The following STAT4 variants were observed in gnomAD, a reference collection of about 807,000 sequenced individuals.
STAT4 encodes the protein signal transducer and activator of transcription 4.
STAT4 carries 42 observed loss-of-function variants against 110.5 expected under a neutral mutation model. The ratio of observed to expected loss-of-function variants is 0.38; its 90% CI spans 0.30 to 0.49. The LOEUF is 0.49. Among genes scored for constraint, STAT4 ranks in the 20% least tolerant of loss-of-function variants. STAT4 has a pLI of 0.95. For missense variants in STAT4, 632 were observed against 887.9 expected (o/e 0.71, Z 3.66); for synonymous variants, 284 against 302.2 (o/e 0.94, Z 0.63).
chr2:191,044,461 T>G (rs1574703419), intron 14 of STAT4, among the ~76,000 whole-genome samples: 2 of 152,198 alleles, frequency 1.3e-5, no homozygotes, highest in Non-Finnish European at 2.9e-5. Context: ...TGGGAAACAC[T>G]TTTTCAGATA....
intron 3 of STAT4, among the ~76,000 whole-genome samples, chr2:191,102,846 A>AT (rs1224323072): frequency 2.0e-5 from 3 of 152,016 alleles, no homozygotes; most frequent in African/African-American, 7.2e-5. Flanking sequence ...GTGTCCATCA[A>AT]TTATCTGTGT....
intron 14 of STAT4, among the ~76,000 whole-genome samples, chr2:191,044,238 A>G (rs1277476652): frequency 2.0e-5 from 3 of 152,232 alleles, no homozygotes; most frequent in Admixed American, 6.5e-5. Flanking sequence ...ACAATAAATA[A>G]ATGAAGGACC....
chr2:191,118,030 G>C (rs373874828), intron 3 of STAT4, among the ~76,000 whole-genome samples: 1 of 152,230 alleles, frequency 6.6e-6, no homozygotes, highest in East Asian at 1.9e-4. Flanking sequence ...AATCAGACCT[G>C]GCGTTTTTCA....
In STAT4 at chr2:191,032,612, C is replaced by G. The variant is rs1695930215; in HGVS notation, c.2044+346G>C. Among the ~76,000 whole-genome samples, 1 of 152,174 alleles carries G rather than the reference C, an allele frequency of 6.6e-6. No homozygotes were observed. Among genetic ancestry groups the G allele is most frequent in the Admixed American group, 6.5e-5 (1 of 15,270 alleles). On this transcript the variant is annotated intron_variant, in intron 21 of 23. Coordinates refer to ENST00000392320, the MANE Select transcript of STAT4 (RefSeq NM_003151.4). The surrounding 1 kb of genome is among the most constrained non-coding windows in gnomAD (Gnocchi z 4.9). ...CTATTAAAAGCTTCTCATCATTACC[C>G]CCTCTTTCTTTTCCTTTCCCTCAGT...
chr2:191,052,034 A>G (rs1696539825), intron 14 of STAT4, among the ~76,000 whole-genome samples: 1 of 152,254 alleles, frequency 6.6e-6, no homozygotes, highest in South Asian at 2.1e-4. Flanking sequence ...AGGTGCTCAC[A>G]GATAAGCAAT....
intron 3 of STAT4, among the ~76,000 whole-genome samples, chr2:191,120,370 T>C (rs1698686268): frequency 6.6e-6 from 1 of 151,902 alleles, no homozygotes; most frequent in Non-Finnish European, 1.5e-5. Flanking sequence ...TTTTAAATGA[T>C]CAAAAAGCCT....
In STAT4 at chr2:191,086,654, C is replaced by A. The variant is rs1398097131; in HGVS notation, c.274-10329G>T. 2.7e-5 allele frequency among the ~76,000 whole-genome samples: 4 copies of A among 148,018 alleles called. No individual in the cohort carries two copies. Among genetic ancestry groups the A allele is most frequent in the Non-Finnish European group, 4.5e-5 (3 of 67,312 alleles). On this transcript the variant is annotated intron_variant, in intron 3 of 23. Transcript: ENST00000392320. The surrounding 1 kb of genome is among the most constrained non-coding windows in gnomAD (Gnocchi z 5.5). The stretch of plus-strand genomic sequence containing the variant: ...TTATCAGATTCTAGCCTTGTCTATT[C>A]TTTTTCAGTTTTTAGTATTTGCTAC...
In STAT4 at chr2:191,036,096, G is replaced by A. The variant is rs184783863; in HGVS notation, c.1570+68C>T. 1.5e-4 allele frequency: 234 copies of A among 1,560,984 alleles called. 1 individual carries two copies. The African/African-American group carries it at 2.6e-3, about 17-fold the overall frequency. ...CTTTATTATTAGTAGTAGTAATAGC[G>A]TCCTGGTTATTTAAAATGCCTGAGG... On this transcript the variant is annotated intron_variant, in intron 17 of 23. Coordinates refer to ENST00000392320, the MANE Select transcript of STAT4 (RefSeq NM_003151.4).
In STAT4 at chr2:191,077,169, T is replaced by C. The variant is rs1274182010; in HGVS notation, c.274-844A>G. Among the ~76,000 whole-genome samples, 1 of 152,202 alleles carries C rather than the reference T, an allele frequency of 6.6e-6. No homozygotes were observed. Among genetic ancestry groups the C allele is most frequent in the Non-Finnish European group, 1.5e-5 (1 of 68,028 alleles). On this transcript the variant is annotated intron_variant, in intron 3 of 23. Transcript: ENST00000392320. This position sits in a 1 kb window ranked among gnomAD's most constrained non-coding sequence, Gnocchi z 4.1. Reference sequence around the variant, plus strand: ...TTACCAAGGTTAATGATGCAGATACTGTAAATTGGCAGCCTGTGGGCCTAA... The same window carrying C: ...TTACCAAGGTTAATGATGCAGATACCGTAAATTGGCAGCCTGTGGGCCTAA...
rs773056531 is a variant in STAT4, at chr2:191,147,313, T to G, written c.129-556A>C. On this transcript the variant is annotated intron_variant, in intron 2 of 23. Coordinates refer to ENST00000392320, the MANE Select transcript of STAT4 (RefSeq NM_003151.4). This position sits in a 1 kb window ranked among gnomAD's most constrained non-coding sequence, Gnocchi z 4.1. ...GTGATATATACAAACAATGGAATAT[T>G]ATTGAGCTTCAAAAAGGAAGAAAAT... Among the ~76,000 whole-genome samples, 1 of 152,206 alleles carries G rather than the reference T, an allele frequency of 6.6e-6. No homozygotes were observed. Among genetic ancestry groups the G allele is most frequent in the African/African-American group, 2.4e-5 (1 of 41,442 alleles).
intron 3 of STAT4, among the ~76,000 whole-genome samples, chr2:191,095,805 C>T (rs1559065060): frequency 6.6e-6 from 1 of 152,062 alleles, no homozygotes; most frequent in Non-Finnish European, 1.5e-5. Flanking sequence ...CAAAAAAATC[C>T]TTCAAAAAGT....
intron 14 of STAT4, among the ~76,000 whole-genome samples, chr2:191,047,620 C>T (rs922512926): frequency 3.3e-5 from 5 of 152,060 alleles, no homozygotes; most frequent in Non-Finnish European, 5.9e-5. Flanking sequence ...TTTAGTGTTT[C>T]CTCTTATAGG....
intron 3 of STAT4, among the ~76,000 whole-genome samples, chr2:191,089,614 T>C (rs1217637791): frequency 1.3e-5 from 2 of 152,238 alleles, no homozygotes; most frequent in Non-Finnish European, 2.9e-5. Flanking sequence ...CATGGATGTT[T>C]ATAGCAGCTT....
rs1696778041 is a variant in STAT4, at chr2:191,058,922, GTAT to G, written c.1035-156_1035-154del. On this transcript the variant is annotated intron_variant, in intron 10 of 23. Transcript: ENST00000392320. This position sits in a 1 kb window ranked among gnomAD's most constrained non-coding sequence, Gnocchi z 4.3. ...TTATATGTTAGTGTGTTTTAAAAAT[GTAT>G]AATGCCTCTTTAGTTTGCCATGTAA... Among the ~76,000 whole-genome samples the G allele has an allele frequency of 6.6e-6, 1 of 152,054 alleles. No homozygotes were observed. The highest frequency in any genetic ancestry group is 1.5e-5 in the Non-Finnish European group (1 of 68,000).
chr2:191,044,118 C>A (rs2125172884), intron 14 of STAT4, among the ~76,000 whole-genome samples: 1 of 152,006 alleles, frequency 6.6e-6, no homozygotes, highest in Non-Finnish European at 1.5e-5. Context: ...TGCTATTATT[C>A]TTTATGTTTT....
At chr2:191,063,381 T>G (rs1027270463) in intron 8 of STAT4, among the ~76,000 whole-genome samples, 1 of 152,210 alleles carries the variant, frequency 6.6e-6, no homozygotes, top group Non-Finnish European at 1.5e-5. Context: ...CCACACAATA[T>G]ATATTTTTAC....
At chr2:191,094,764 C>G (rs1697914308) in intron 3 of STAT4, among the ~76,000 whole-genome samples, 1 of 151,980 alleles carries the variant, frequency 6.6e-6, no homozygotes, top group Non-Finnish European at 1.5e-5. Flanking sequence ...TGTAAATGGA[C>G]TGAATGCCAC....
rs1225171064 is a variant in STAT4, at chr2:191,082,057, C to A, written c.274-5732G>T. Among the ~76,000 whole-genome samples, 1 of 152,148 alleles carries A rather than the reference C, an allele frequency of 6.6e-6. No individual in the cohort carries two copies. The highest frequency in any genetic ancestry group is 1.5e-5 in the Non-Finnish European group (1 of 68,024). On this transcript the variant is annotated intron_variant, in intron 3 of 23. Coordinates refer to ENST00000392320, the MANE Select transcript of STAT4 (RefSeq NM_003151.4). The surrounding 1 kb of genome is among the most constrained non-coding windows in gnomAD (Gnocchi z 4.7). ...CCAGGGTCTTATTGTGCTGAGATTT[C>A]TTTCATCTATTATGAGGAATTTGGC...
intron 3 of STAT4, among the ~76,000 whole-genome samples, chr2:191,084,059 C>T (rs972512424): frequency 2.6e-5 from 4 of 151,930 alleles, no homozygotes; most frequent in East Asian, 1.9e-4. Flanking sequence ...GTCAGGAGTT[C>T]GAGACCAGCC....
Sources: allele counts gnomAD v4.1 joint callset (sites outside exome capture counted in the v4.1 genomes callset), GRCh38; gene constraint gnomAD v4.1.1; non-coding constraint Gnocchi (gnomAD v3.1); transcripts MANE v1.5; gene names NCBI Gene and HGNC (gene_info 2026-07-23, HGNC 2026-07-21).